Variants in DNAJC11 observed in about 807,000 individuals in gnomAD.
DNAJC11 encodes the protein DnaJ heat shock protein family (Hsp40) member C11.
Under a neutral mutation model 78.6 loss-of-function variants are expected in DNAJC11, and 15 were observed. That is an observed-to-expected ratio of 0.19 (90% CI 0.13 to 0.29). DNAJC11 has a LOEUF of 0.29. DNAJC11 is among the 10% of genes least tolerant of loss of function. The pLI is 1.00. For missense variants in DNAJC11, 547 were observed against 709.6 expected (o/e 0.77, Z 2.60); for synonymous variants, 292 against 272.1 (o/e 1.07, Z -0.72).
At chr1:6,700,665 C>T (rs574165308) in intron 1 of DNAJC11, among the ~76,000 whole-genome samples, 72 of 152,304 alleles carry the variant, frequency 4.7e-4, no homozygotes, top group African/African-American at 1.6e-3. Flanking sequence ...AATGAGATAA[C>T]AGTACAAAGT....
At chr1:6,677,016 A>C (rs1429785275) in intron 3 of DNAJC11, among the ~76,000 whole-genome samples, 1 of 152,090 alleles carries the variant, frequency 6.6e-6, no homozygotes, top group East Asian at 1.9e-4. Flanking sequence ...TCTACTACAA[A>C]TACAAAATTA....
chr1:6,648,345 A>G (rs1411194415), intron 7 of DNAJC11, among the ~76,000 whole-genome samples: 2 of 152,128 alleles, frequency 1.3e-5, no homozygotes, highest in Non-Finnish European at 2.9e-5. Flanking sequence ...TAGTAGAGAC[A>G]GGGTTTCACC....
At chr1:6,676,928 CT>C (rs1642472496) in intron 3 of DNAJC11, among the ~76,000 whole-genome samples, 2 of 152,032 alleles carry the variant, frequency 1.3e-5, no homozygotes, top group Non-Finnish European at 2.9e-5. Context: ...AATCCCAGCA[CT>C]TTGGGAGGCC....
chr1:6,638,411 G>A, intron 11 of DNAJC11, 47 bp from the exon 12 acceptor site: 1 of 1,580,994 alleles, frequency 6.3e-7, no homozygotes, highest in South Asian at 1.1e-5. Flanking sequence ...GCGCTGCCCA[G>A]CTTCCAGCCA....
intron 1 of DNAJC11, among the ~76,000 whole-genome samples, chr1:6,690,384 C>A (rs111543843): frequency 1.0e-3 from 156 of 152,280 alleles, no homozygotes; most frequent in African/African-American, 3.5e-3. Context: ...AAAAGCTCTA[C>A]GACAGTAAAA....
At chr1:6,685,599 A>C (rs1342697317) in intron 1 of DNAJC11, among the ~76,000 whole-genome samples, 1 of 152,164 alleles carries the variant, frequency 6.6e-6, no homozygotes, top group Non-Finnish European at 1.5e-5. Context: ...ATCAGGACTC[A>C]CCTGTATCAA....
intron 1 of DNAJC11, among the ~76,000 whole-genome samples, chr1:6,696,197 G>A (rs1642833009): frequency 6.6e-6 from 1 of 152,224 alleles, no homozygotes; most frequent in Non-Finnish European, 1.5e-5. Context: ...TTAACATAAT[G>A]TAGTAGATGG....
rs773018245 is a variant in DNAJC11, at chr1:6,634,565, C to G, written c.*1110G>C. On this transcript the variant is annotated 3_prime_UTR_variant, in exon 16 of 16. Transcript: ENST00000377577. ...TGCGGCGCTTGCTCCGAGGGGTCAGCAAGAGCAACTGATGGCTGCCACTTC... is the reference window on the plus strand; with the variant it reads ...TGCGGCGCTTGCTCCGAGGGGTCAGGAAGAGCAACTGATGGCTGCCACTTC... The G allele has an allele frequency of 7.3e-7, 1 of 1,365,634 alleles. No homozygotes were observed. Among genetic ancestry groups the G allele is most frequent in the Non-Finnish European group, 9.8e-7 (1 of 1,021,660 alleles). The allele number at this position is 1,365,634 out of a possible 1,614,324, so 84.6% of individuals were successfully genotyped here.
chr1:6,690,180 A>G (rs1178507874), intron 1 of DNAJC11, among the ~76,000 whole-genome samples: 2 of 152,230 alleles, frequency 1.3e-5, no homozygotes, highest in Non-Finnish European at 2.9e-5. Flanking sequence ...GAAAGGCAAC[A>G]TAGAAGGAAG....
chr1:6,698,054 T>C (rs1268543674), intron 1 of DNAJC11, among the ~76,000 whole-genome samples: 11 of 152,226 alleles, frequency 7.2e-5, no homozygotes, highest in Admixed American at 6.5e-5. Context: ...CCTCCCAAAG[T>C]GCTGGGATTA....
At chr1:6,662,619 C>A (rs572453374) in intron 4 of DNAJC11, among the ~76,000 whole-genome samples, 1 of 152,006 alleles carries the variant, frequency 6.6e-6, no homozygotes, top group Admixed American at 6.6e-5. Flanking sequence ...TCTGTAAAAA[C>A]GCACCAATCA....
intron 10 of DNAJC11, among the ~76,000 whole-genome samples, chr1:6,643,352 T>G (rs1641910721): frequency 1.3e-5 from 2 of 150,532 alleles, no homozygotes; most frequent in African/African-American, 2.4e-5. Context: ...CTCGACTCAC[T>G]GCAAGCTCTG....
At chr1:6,635,956 C>T (rs542129609) in intron 15 of DNAJC11, among the ~76,000 whole-genome samples, 161 bp downstream of exon 15, 10 of 152,372 alleles carry the variant, frequency 6.6e-5, no homozygotes, top group African/African-American at 2.4e-4. Flanking sequence ...GGGCACAAAT[C>T]ATGGGCTCTG....
chr1:6,700,335 C>A (rs536006244), intron 1 of DNAJC11, among the ~76,000 whole-genome samples: 2 of 152,080 alleles, frequency 1.3e-5, no homozygotes, highest in Admixed American at 6.5e-5. Flanking sequence ...TCAGCCCATA[C>A]GCACCCAGGT....
chr1:6,657,669 G>A (rs549503820), intron 4 of DNAJC11, among the ~76,000 whole-genome samples: 7 of 152,226 alleles, frequency 4.6e-5, no homozygotes, highest in Non-Finnish European at 8.8e-5. Flanking sequence ...TTTTGAGATG[G>A]AGTCTTGCTC....
At chr1:6,637,630 G>T in intron 12 of DNAJC11, 126 bp from the exon 13 acceptor site, 1 of 1,065,834 alleles carries the variant, frequency 9.4e-7, no homozygotes, top group Non-Finnish European at 1.4e-6. Context: ...AAGGAAGGGA[G>T]TGGGCACCCT....
At chr1:6,644,782 C>T in intron 9 of DNAJC11, 108 bp from the exon 10 acceptor site, 1 of 984,316 alleles carries the variant, frequency 1.0e-6, no homozygotes, top group Non-Finnish European at 1.6e-6. Context: ...CTCCAGCCTC[C>T]TCGACCCCCA....
At chr1:6,697,988 C>A (rs1642864771) in intron 1 of DNAJC11, among the ~76,000 whole-genome samples, 1 of 152,150 alleles carries the variant, frequency 6.6e-6, no homozygotes, top group Non-Finnish European at 1.5e-5. Context: ...GACGGGGTTT[C>A]ACCGTGTTAG....
intron 1 of DNAJC11, among the ~76,000 whole-genome samples, chr1:6,686,735 CATG>C (rs1642662894): frequency 6.6e-6 from 1 of 152,204 alleles, no homozygotes; most frequent in African/African-American, 2.4e-5. Flanking sequence ...TTATACCTAC[CATG>C]ATGATGATAT....
Sources: allele counts gnomAD v4.1 joint callset (sites outside exome capture counted in the v4.1 genomes callset), GRCh38; gene constraint gnomAD v4.1.1; transcripts MANE v1.5; gene names NCBI Gene and HGNC (gene_info 2026-07-23, HGNC 2026-07-21).